Variants in CROCC2 observed in about 807,000 individuals in gnomAD.
The protein encoded by CROCC2 is ciliary rootlet coiled-coil, rootletin family member 2.
A neutral mutation model predicts 177.6 loss-of-function variants in CROCC2; 163 were observed. The observed-to-expected ratio is 0.92, with a 90% CI of 0.81 to 1.05. CROCC2 has a LOEUF of 1.05. Ranked by LOEUF, CROCC2 falls within the 50% of genes least tolerant of loss-of-function variation. CROCC2 has a pLI of 0.00. For synonymous variants in CROCC2, 904 were observed against 787.3 expected (o/e 1.15, Z -2.48); for missense variants, 1,929 against 1,797.8 (o/e 1.07, Z -1.32).
chr2:240,988,657 A>T (rs3922986), intron 28 of CROCC2, 82 bp from the exon 29 acceptor site: 119,754 of 1,273,676 alleles, frequency 0.094, 6,144 homozygotes, highest in Middle Eastern at 0.11. Context: ...CCCAGAGGCA[A>T]CCCTGTGCTC....
At chr2:240,969,731 T>A (rs1337780566) in intron 27 of CROCC2, among the ~76,000 whole-genome samples, 1 of 152,166 alleles carries the variant, frequency 6.6e-6, no homozygotes, top group Non-Finnish European at 1.5e-5. Flanking sequence ...AGAGACCTTC[T>A]ATTTTATTTT....
chr2:240,948,127 G>A (rs890441458), intron 15 of CROCC2, among the ~76,000 whole-genome samples: 1 of 152,172 alleles, frequency 6.6e-6, no homozygotes, highest in African/African-American at 2.4e-5. Context: ...GAGCACTCAA[G>A]CCTGGGAGTG....
chr2:240,945,252 C>G (rs1224413395), intron 14 of CROCC2, among the ~76,000 whole-genome samples: 3 of 152,152 alleles, frequency 2.0e-5, no homozygotes. Flanking sequence ...TACTTTTGAC[C>G]CTGGCAGGCA....
At chr2:240,925,310 T>A (rs890424715) in intron 4 of CROCC2, among the ~76,000 whole-genome samples, 2 of 151,932 alleles carry the variant, frequency 1.3e-5, no homozygotes, top group Non-Finnish European at 2.9e-5. Flanking sequence ...GTCCCCAGGG[T>A]GCAGCAGAAG....
chr2:240,928,453 T>TGTG (rs2059407553), intron 5 of CROCC2, among the ~76,000 whole-genome samples: 1 of 149,810 alleles, frequency 6.7e-6, no homozygotes, highest in Non-Finnish European at 1.5e-5. Flanking sequence ...TGTGTGTGTG[T>TGTG]AGCAAGAAAT....
At chr2:240,912,377 T>G (rs1367240474) in intron 1 of CROCC2, among the ~76,000 whole-genome samples, 2 of 152,240 alleles carry the variant, frequency 1.3e-5, no homozygotes, top group Non-Finnish European at 2.9e-5. Flanking sequence ...TCCCGTATTC[T>G]GTCTGACTGG....
chr2:240,919,833 T>C (rs897727077), intron 2 of CROCC2, 150 bp from the exon 3 acceptor site: 12 of 576,726 alleles, frequency 2.1e-5, no homozygotes, highest in Non-Finnish European at 3.7e-5. Flanking sequence ...GGTCCCGGGC[T>C]CAGATCTGGG....
intron 27 of CROCC2, among the ~76,000 whole-genome samples, chr2:240,971,500 A>G (rs2059720789): frequency 6.6e-6 from 1 of 152,066 alleles, no homozygotes; most frequent in African/African-American, 2.4e-5. Context: ...GGGTTCAAGA[A>G]ATGTGCGGAT....
intron 5 of CROCC2, among the ~76,000 whole-genome samples, chr2:240,926,814 C>T (rs1273471495): frequency 6.6e-6 from 1 of 152,282 alleles, no homozygotes; most frequent in Non-Finnish European, 1.5e-5. Context: ...ATGCCGGCCT[C>T]TGCATAGCGT....
At position 240,965,412 on chromosome 2, in the gene CROCC2, G is replaced by A. The variant is rs1217525921; in HGVS notation, c.3497G>A (p.Arg1166Lys). ...VRTLKAENQR[R>K]SGEAHELQAQ... ...ACACTGAAGGCCGAGAACCAGAGGAGGAGTGGAGAGGCCCATGAGCTGCAG... is the reference window on the plus strand; with the variant it reads ...ACACTGAAGGCCGAGAACCAGAGGAAGAGTGGAGAGGCCCATGAGCTGCAG... The change falls in exon 23 of 32, where the codon AGG becomes AAG. Residue 1166 changes from arginine (R) to lysine (K), a missense_variant. Coordinates refer to ENST00000690015, the MANE Select transcript of CROCC2 (RefSeq NM_001351305.2). 1.3e-6 allele frequency: 2 copies of A among 1,549,704 alleles called. No homozygotes were observed. The highest frequency in any genetic ancestry group is 2.0e-5 in the Admixed American group (1 of 51,010).
chr2:240,947,562 T>C (rs1219745559), intron 15 of CROCC2, among the ~76,000 whole-genome samples: 2 of 152,170 alleles, frequency 1.3e-5, no homozygotes, highest in African/African-American at 4.8e-5. Context: ...ACACTCTGTG[T>C]GTTTATCTGA....
chr2:240,909,412 C>T (rs917441322), intron 1 of CROCC2, among the ~76,000 whole-genome samples: 1 of 152,256 alleles, frequency 6.6e-6, no homozygotes, highest in African/African-American at 2.4e-5. Flanking sequence ...CCAGCTCTGC[C>T]TGGGTGTTGG....
rs1206202558 is a variant in CROCC2 at position 240,972,432 on chromosome 2, G to A, written c.4401+4170G>A. Among the ~76,000 whole-genome samples, 1 of 152,084 alleles carries A rather than the reference G, an allele frequency of 6.6e-6. No homozygotes were observed. The highest frequency in any genetic ancestry group is 1.5e-5 in the Non-Finnish European group (1 of 68,022). ...CAGCTGCTTGCCTCACAGGGATGGAGGGCTCCCCGGGTCCCCCAGCCACAG... is the reference window on the plus strand; with the variant it reads ...CAGCTGCTTGCCTCACAGGGATGGAAGGCTCCCCGGGTCCCCCAGCCACAG... On this transcript the variant is annotated intron_variant, in intron 27 of 31. Transcript: ENST00000690015. The surrounding 1 kb of genome is among the most constrained non-coding windows in gnomAD (Gnocchi z 7.1).
chr2:240,950,857 A>G (rs536766688), intron 18 of CROCC2: 75 of 249,524 alleles, frequency 3.0e-4, no homozygotes, highest in African/African-American at 1.6e-3. Context: ...CCACCCATTC[A>G]CCCATCCATC....
intron 1 of CROCC2, among the ~76,000 whole-genome samples, chr2:240,909,221 G>T (rs1229652608): frequency 7.2e-6 from 1 of 137,958 alleles, no homozygotes; most frequent in African/African-American, 3.0e-5. Context: ...TCCACCTGGG[G>T]TGAGCTCTAC....
Position 240,982,655 on chromosome 2 carries a change from C to CT in CROCC2, c.4402-222dup, listed in dbSNP as rs1174405563. ...CCCACGCTAGACCAGACCCCCAGGA[C>CT]TTTCGTCTCAGGCTTCCTGGGGGTC... On this transcript the variant is annotated intron_variant, in intron 27 of 31. Transcript: ENST00000690015. This position sits in a 1 kb window ranked among gnomAD's most constrained non-coding sequence, Gnocchi z 4.7. The CT allele has an allele frequency of 4.1e-6, 2 of 482,840 alleles. No homozygotes were observed. The highest frequency in any genetic ancestry group is 7.3e-6 in the Non-Finnish European group (2 of 273,948). 29.9% of individuals were successfully genotyped at this position (482,840 alleles called of 1,614,324 possible). A position where few individuals can be genotyped will look rare whatever the true frequency, so the allele number is the denominator to read the frequency against.
At chr2:240,928,026 G>C (rs1317316898) in intron 5 of CROCC2, among the ~76,000 whole-genome samples, 1 of 152,190 alleles carries the variant, frequency 6.6e-6, no homozygotes, top group Non-Finnish European at 1.5e-5. Flanking sequence ...GCCTGTGTCT[G>C]ACTATCCAAT....
chr2:240,966,081 A>G, intron 24 of CROCC2, 88 bp downstream of exon 24: 1 of 1,281,272 alleles, frequency 7.8e-7, no homozygotes. Context: ...CAACTCACAC[A>G]GTGAGGGACT....
In CROCC2 at chr2:240,946,297, G is replaced by A. The variant is rs765469332; in HGVS notation, c.2363+44G>A. On this transcript the variant is annotated intron_variant, in intron 15 of 31. Coordinates refer to ENST00000690015, the MANE Select transcript of CROCC2 (RefSeq NM_001351305.2). ...GTCAGGGCATGTCCCACGTGTCCTT[G>A]CCCACAGAGAGTCTGCAGTGTGGCA... 5.4e-6 allele frequency: 8 copies of A among 1,481,884 alleles called. No individual in the cohort carries two copies. In the South Asian group the frequency reaches 1.0e-4, roughly 19 times the overall value. 91.8% of individuals were successfully genotyped at this position (1,481,884 alleles called of 1,614,324 possible).
Sources: gnomAD v4.1 joint callset for allele counts (sites outside exome capture counted in the v4.1 genomes callset) on GRCh38, gnomAD v4.1.1 for gene constraint, Gnocchi (gnomAD v3.1) non-coding constraint, MANE v1.5 for transcripts, NCBI Gene and HGNC (gene_info 2026-07-23, HGNC 2026-07-21) for gene names.